ZSCAN25: variants seen among roughly 807,000 people sequenced by gnomAD.
ZSCAN25 encodes the protein zinc finger and SCAN domain containing 25, also known as zinc finger and SCAN domain-containing protein 25.
Under a neutral mutation model 38.7 loss-of-function variants are expected in ZSCAN25, and 27 were observed. That is an observed-to-expected ratio of 0.70 (90% CI 0.51 to 0.96). The LOEUF is 0.96. ZSCAN25 is among the 40% of genes least tolerant of loss of function. The pLI, the probability that ZSCAN25 is intolerant of heterozygous loss-of-function variation, is 0.00. For missense variants in ZSCAN25, 637 were observed against 705.9 expected (o/e 0.90, Z 1.11); for synonymous variants, 273 against 277.7 (o/e 0.98, Z 0.17).
chr7:99,660,422 T>C, the ZSCAN25 span: 8 of 1,498,028 alleles, frequency 5.3e-6, no homozygotes, highest in Non-Finnish European at 2.7e-6. Flanking sequence ...TTATAAAAAT[T>C]CTCCTGGGGA....
At chr7:99,710,708 C>T in the ZSCAN25 span, 2 of 1,613,598 alleles carry the variant, frequency 1.2e-6, no homozygotes, top group African/African-American at 2.7e-5. Context: ...CTCCTCCCTC[C>T]TTCTCCATGT....
chr7:99,673,419 A>G, the ZSCAN25 span, among the ~76,000 whole-genome samples: 1 of 152,258 alleles, frequency 6.6e-6, no homozygotes, highest in Non-Finnish European at 1.5e-5. Context: ...ATCACAGTCC[A>G]TCAGCCCACC....
chr7:99,624,194 C>T lies in ZSCAN25; in HGVS notation c.805+14C>T. 6.2e-7 allele frequency: 1 copy of T among 1,613,212 alleles called. No individual in the cohort carries two copies. Among genetic ancestry groups the T allele is most frequent in the Non-Finnish European group, 8.5e-7 (1 of 1,179,838 alleles). On this transcript the variant is annotated intron_variant, in intron 7 of 7. Transcript: ENST00000394152. ...GGGTCTCTCCAGGTAAGACTGTCTC[C>T]ACCCACAGGTGAGGAACTGGGGAGT...
chr7:99,679,002 T>C, the ZSCAN25 span, among the ~76,000 whole-genome samples: 1 of 152,194 alleles, frequency 6.6e-6, no homozygotes, highest in East Asian at 1.9e-4. Flanking sequence ...AAAATCCAAA[T>C]TGGCTTTCAT....
At chr7:99,694,976 C>G in the ZSCAN25 span, among the ~76,000 whole-genome samples, 1 of 136,042 alleles carries the variant, frequency 7.4e-6, no homozygotes, top group East Asian at 2.1e-4. Context: ...TATGATTCTG[C>G]CTTTGTTTAA....
At chr7:99,680,583 G>A in the ZSCAN25 span, among the ~76,000 whole-genome samples, 7 of 152,230 alleles carry the variant, frequency 4.6e-5, no homozygotes, top group South Asian at 1.5e-3. Flanking sequence ...TCATGACCCT[G>A]GTTCCTAGCA....
the ZSCAN25 span, among the ~76,000 whole-genome samples, chr7:99,719,102 A>G: frequency 6.6e-6 from 1 of 152,242 alleles, no homozygotes; most frequent in African/African-American, 2.4e-5. Flanking sequence ...ATTTAATTCA[A>G]TTCTTGTTAA....
At chr7:99,731,429 G>A in the ZSCAN25 span, among the ~76,000 whole-genome samples, 1 of 152,216 alleles carries the variant, frequency 6.6e-6, no homozygotes, top group Non-Finnish European at 1.5e-5. Context: ...GTTCTCAAAT[G>A]TGAATGATCC....
chr7:99,708,983 A>G, the ZSCAN25 span: 3 of 1,592,232 alleles, frequency 1.9e-6, no homozygotes, highest in Non-Finnish European at 2.6e-6. Context: ...GAGGCAGAAT[A>G]TGCTTGAACC....
At chr7:99,733,910 A>G in the ZSCAN25 span, among the ~76,000 whole-genome samples, 3 of 151,960 alleles carry the variant, frequency 2.0e-5, no homozygotes, top group African/African-American at 4.8e-5. Context: ...TTAAAAAGAC[A>G]TATGCAGTCT....
At chr7:99,663,810 C>T in the ZSCAN25 span, 1 of 1,333,650 alleles carries the variant, frequency 7.5e-7, no homozygotes, top group East Asian at 3.0e-5. Context: ...ATCTCCTTCC[C>T]CAATCTCCTT....
chr7:99,668,271 A>G, the ZSCAN25 span, among the ~76,000 whole-genome samples: 1 of 152,228 alleles, frequency 6.6e-6, no homozygotes, highest in Non-Finnish European at 1.5e-5. Flanking sequence ...TGTTGAGGAA[A>G]GTAATAAAAG....
chr7:99,660,533 A>G, the ZSCAN25 span: 1 of 1,613,394 alleles, frequency 6.2e-7, no homozygotes, highest in East Asian at 2.2e-5. Context: ...CTCCTTTTGC[A>G]GTTTCTGCTG....
At chr7:99,636,579 C>G (rs1483977713), downstream of ZSCAN25, among the ~76,000 whole-genome samples, 1 of 152,214 alleles carries the variant, frequency 6.6e-6, no homozygotes, top group African/African-American at 2.4e-5. Flanking sequence ...CAGACACACT[C>G]ATAAACAAAA....
intron 5 of ZSCAN25, 186 bp from the exon 6 acceptor site, chr7:99,622,363 A>T (rs919296360): frequency 3.1e-6 from 2 of 644,768 alleles, no homozygotes; most frequent in African/African-American, 1.8e-5. Context: ...CCCAGCTGAG[A>T]ATAGGGCAAG....
At position 99,627,569 on chromosome 7, in the gene ZSCAN25, A is replaced by C. The variant is rs149640594; in HGVS notation, c.806-1622A>C. 9.0e-4 allele frequency among the ~76,000 whole-genome samples: 137 copies of C among 152,300 alleles called. 1 individual carries two copies. The highest frequency in any genetic ancestry group is 1.6e-3 in the Admixed American group (24 of 15,290). On this transcript the variant is annotated intron_variant, in intron 7 of 7. Transcript: ENST00000394152. ...TCACAAACATGATATTGAGTAGAAGAAGCCAGAAACAATGTGTGAGACAAT... is the reference window on the plus strand; with the variant it reads ...TCACAAACATGATATTGAGTAGAAGCAGCCAGAAACAATGTGTGAGACAAT...
the ZSCAN25 span, among the ~76,000 whole-genome samples, chr7:99,702,009 T>C: frequency 1.3e-5 from 2 of 152,178 alleles, no homozygotes; most frequent in African/African-American, 4.8e-5. Flanking sequence ...TACTTCAGCA[T>C]TTTTTGTTCA....
the ZSCAN25 span, among the ~76,000 whole-genome samples, chr7:99,665,708 C>T: frequency 1.1e-4 from 16 of 152,208 alleles, no homozygotes; most frequent in African/African-American, 3.6e-4. Context: ...AGAAAGGTGG[C>T]GTTGTCTGAC....
chr7:99,645,239 T>A, the ZSCAN25 span, among the ~76,000 whole-genome samples: 1 of 152,196 alleles, frequency 6.6e-6, no homozygotes, highest in Non-Finnish European at 1.5e-5. Context: ...TCTGCCCACC[T>A]CGGCTTCTGA....
Sources: gnomAD v4.1 joint callset for allele counts (sites outside exome capture counted in the v4.1 genomes callset) on GRCh38, gnomAD v4.1.1 for gene constraint, MANE v1.5 for transcripts, NCBI Gene and HGNC (gene_info 2026-07-23, HGNC 2026-07-21) for gene names.